The following SPMAP2 variants were observed in gnomAD, a reference collection of about 807,000 sequenced individuals.
The protein encoded by SPMAP2 is Theg homolog.
At chr19:370,886 T>C in the SPMAP2 span, among the ~76,000 whole-genome samples, 1 of 151,768 alleles carries the variant, frequency 6.6e-6, no homozygotes, top group African/African-American at 2.4e-5. Flanking sequence ...GCGAGGTCAG[T>C]GGTTGCCGGT....
chr19:363,664 G>C, the SPMAP2 span, among the ~76,000 whole-genome samples: 1 of 151,714 alleles, frequency 6.6e-6, no homozygotes, highest in Non-Finnish European at 1.5e-5. Flanking sequence ...CTCCCGAGTA[G>C]CTGGGGCTAC....
chr19:363,083 G>A, the SPMAP2 span, among the ~76,000 whole-genome samples: 18,633 of 152,226 alleles, frequency 0.12, 1,794 homozygotes, highest in African/African-American at 0.26. Context: ...GCTGATGGGG[G>A]CGGGGCTGCC....
the SPMAP2 span, chr19:375,615 T>G: frequency 7.4e-5 from 110 of 1,485,064 alleles, no homozygotes; most frequent in Non-Finnish European, 9.0e-5. Context: ...TGCCAGGGGC[T>G]GAGCCCTACC....
chr19:366,541 G>A, the SPMAP2 span, among the ~76,000 whole-genome samples: 1 of 152,188 alleles, frequency 6.6e-6, no homozygotes, highest in Admixed American at 6.5e-5. Flanking sequence ...GGCCCCATAA[G>A]CGAAGTTAAA....
At chr19:365,749 C>T in the SPMAP2 span, among the ~76,000 whole-genome samples, 2 of 150,018 alleles carry the variant, frequency 1.3e-5, no homozygotes, top group South Asian at 4.2e-4. Context: ...CAGCCACACT[C>T]TTACCCCCAC....
chr19:363,830 C>T, the SPMAP2 span, among the ~76,000 whole-genome samples: 24 of 152,076 alleles, frequency 1.6e-4, no homozygotes, highest in Admixed American at 8.5e-4. Context: ...CCACCGTGCC[C>T]GGCCCCATTT....
chr19:362,493 C>T, the SPMAP2 span: 1 of 1,328,582 alleles, frequency 7.5e-7, no homozygotes, highest in Non-Finnish European at 1.0e-6. Context: ...TCAGGCTGGG[C>T]ATGGGAGCTC....
the SPMAP2 span, among the ~76,000 whole-genome samples, chr19:369,347 C>A: frequency 6.6e-6 from 1 of 151,924 alleles, no homozygotes; most frequent in South Asian, 2.1e-4. Context: ...CAATCCCCGC[C>A]CGGAGAATGC....
the SPMAP2 span, chr19:372,718 C>A: frequency 6.2e-7 from 1 of 1,613,652 alleles, no homozygotes; most frequent in African/African-American, 1.3e-5. Context: ...AAATGGGAAA[C>A]GGAGTCAGTG....
At chr19:362,375 T>A in the SPMAP2 span, 1 of 1,608,014 alleles carries the variant, frequency 6.2e-7, no homozygotes, top group Non-Finnish European at 8.5e-7. Flanking sequence ...ATCCAGCACC[T>A]CCCAGCGAGG....
the SPMAP2 span, among the ~76,000 whole-genome samples, chr19:367,615 G>C: frequency 2.0e-5 from 3 of 152,216 alleles, no homozygotes; most frequent in Admixed American, 6.5e-5. Flanking sequence ...ATGCATGACT[G>C]GAAGGAGAGT....
the SPMAP2 span, among the ~76,000 whole-genome samples, chr19:368,017 C>T: frequency 6.6e-6 from 1 of 152,108 alleles, no homozygotes; most frequent in Non-Finnish European, 1.5e-5. This position sits in a 1 kb window ranked among gnomAD's most constrained non-coding sequence, Gnocchi z 4.1. Flanking sequence ...CTGGCCGAGG[C>T]GGGAGACCTT....
chr19:374,050 C>T, the SPMAP2 span: 21 of 1,597,704 alleles, frequency 1.3e-5, no homozygotes, highest in African/African-American at 2.7e-5. Flanking sequence ...TGCCTCTTGC[C>T]CTGGGTCTCC....
At chr19:375,754 C>G in the SPMAP2 span, 1 of 1,610,252 alleles carries the variant, frequency 6.2e-7, no homozygotes, top group Non-Finnish European at 8.5e-7. Flanking sequence ...TCCGGGAACT[C>G]CTCCCCGGCC....
the SPMAP2 span, among the ~76,000 whole-genome samples, chr19:364,746 C>T: frequency 2.0e-5 from 3 of 152,052 alleles, no homozygotes; most frequent in Non-Finnish European, 4.4e-5. Flanking sequence ...TGGCCCCCTC[C>T]TCCTGGTACC....
the SPMAP2 span, among the ~76,000 whole-genome samples, chr19:364,210 G>GCA: frequency 2.1e-4 from 31 of 150,320 alleles, no homozygotes; most frequent in East Asian, 3.9e-3. Context: ...GGTGGCGGCT[G>GCA]CCTGTAGTCC....
At chr19:375,592 G>A in the SPMAP2 span, 1 of 1,418,472 alleles carries the variant, frequency 7.0e-7, no homozygotes, top group South Asian at 1.5e-5. Context: ...GGGGGCTGCT[G>A]CCCTCCCCCC....
the SPMAP2 span, among the ~76,000 whole-genome samples, chr19:362,674 G>A: frequency 2.0e-5 from 3 of 150,580 alleles, no homozygotes; most frequent in Non-Finnish European, 4.4e-5. Context: ...GTTGAGGCAT[G>A]AGGATGGCTT....
At chr19:373,145 A>G in the SPMAP2 span, among the ~76,000 whole-genome samples, 323 of 152,312 alleles carry the variant, frequency 2.1e-3, 2 homozygotes, top group Non-Finnish European at 3.4e-3. Context: ...GAACTCTCGA[A>G]GTGTCTCATT....
Sources: allele counts gnomAD v4.1 joint callset (sites outside exome capture counted in the v4.1 genomes callset), GRCh38; gene constraint gnomAD v4.1.1; non-coding constraint Gnocchi (gnomAD v3.1); transcripts MANE v1.5; gene names NCBI Gene and HGNC (gene_info 2026-07-23, HGNC 2026-07-21).